Variants in PCSK6 observed in about 807,000 individuals in gnomAD.
PCSK6 encodes the protein proprotein convertase subtilisin/kexin type 6.
PCSK6 carries 85 observed loss-of-function variants against 123.3 expected under a neutral mutation model. The ratio of observed to expected loss-of-function variants is 0.69; its 90% confidence interval spans 0.58 to 0.83. The LOEUF (loss-of-function observed/expected upper bound fraction) is 0.83. PCSK6 is among the 40% of genes least tolerant of loss of function. The pLI, the probability that PCSK6 is intolerant of heterozygous loss-of-function variation, is 0.00. For synonymous variants in PCSK6, 508 were observed against 516.0 expected, an observed-to-expected ratio of 0.98 and a Z score of 0.21; for missense variants, 1,191 against 1,282.3, an observed-to-expected ratio of 0.93 and a Z score of 1.09.
intron 13 of PCSK6, among the ~76,000 whole-genome samples, chr15:101,344,747 G>A (rs1596207272): frequency 6.6e-6 from 1 of 152,204 alleles, no homozygotes; most frequent in East Asian, 1.9e-4. Flanking sequence ...TGCCTTCTAG[G>A]TTCCAGTGAT....
At chr15:101,365,515 C>G (rs184865078) in intron 13 of PCSK6, among the ~76,000 whole-genome samples, 1 of 152,240 alleles carries the variant, frequency 6.6e-6, no homozygotes, top group East Asian at 1.9e-4. Flanking sequence ...TCAAAACGTT[C>G]AACATAGAGT....
chr15:101,444,777 C>T (rs2056843170), intron 1 of PCSK6, among the ~76,000 whole-genome samples: 1 of 152,188 alleles, frequency 6.6e-6, no homozygotes, highest in African/African-American at 2.4e-5. Flanking sequence ...CCTTGGCTGC[C>T]TCCACCTCAT....
intron 13 of PCSK6, among the ~76,000 whole-genome samples, chr15:101,340,404 A>G (rs2040574540): frequency 6.6e-6 from 1 of 152,242 alleles, no homozygotes; most frequent in Admixed American, 6.5e-5. Flanking sequence ...CTGTGTGTAC[A>G]ATGGACAACA....
intron 1 of PCSK6, among the ~76,000 whole-genome samples, chr15:101,485,775 G>A (rs1430809457): frequency 6.6e-6 from 1 of 152,064 alleles, no homozygotes; most frequent in Non-Finnish European, 1.5e-5. Context: ...AGAGTTGTCT[G>A]AGGTATTCCT....
intron 13 of PCSK6, among the ~76,000 whole-genome samples, chr15:101,348,541 G>A (rs1392888274): frequency 6.6e-6 from 1 of 152,204 alleles, no homozygotes. Context: ...ATATGTAACT[G>A]ACATGTGTAA....
intron 13 of PCSK6, 58 bp downstream of exon 13, chr15:101,366,138 G>C: frequency 6.5e-7 from 1 of 1,534,212 alleles, no homozygotes; most frequent in South Asian, 1.2e-5. Flanking sequence ...ATAAGGCCCA[G>C]AGGTAAAAAG....
chr15:101,361,978 T>A (rs1486877497), intron 13 of PCSK6, among the ~76,000 whole-genome samples: 27 of 120,422 alleles, frequency 2.2e-4, no homozygotes, highest in South Asian at 2.7e-4. Flanking sequence ...TTTTTTTGAG[T>A]TGGAGTCTTG....
intron 21 of PCSK6, among the ~76,000 whole-genome samples, chr15:101,306,025 C>T (rs2039715361): frequency 6.6e-5 from 10 of 151,732 alleles, no homozygotes; most frequent in Admixed American, 6.6e-4. Flanking sequence ...TGGACAACTG[C>T]TGGCAGTGGA....
chr15:101,371,816 A>T (rs1263630970), intron 11 of PCSK6, among the ~76,000 whole-genome samples: 1 of 152,190 alleles, frequency 6.6e-6, no homozygotes, highest in Non-Finnish European at 1.5e-5. Flanking sequence ...TCTCATGCTG[A>T]TCGAGGGTGC....
intron 2 of PCSK6, among the ~76,000 whole-genome samples, chr15:101,438,155 C>T (rs984718284): frequency 2.6e-5 from 4 of 152,294 alleles, no homozygotes; most frequent in Admixed American, 2.6e-4. Flanking sequence ...GTCCCCGCAT[C>T]CTGTGGGACT....
chr15:101,468,993 G>A (rs377650182), intron 1 of PCSK6, among the ~76,000 whole-genome samples: 24 of 152,256 alleles, frequency 1.6e-4, no homozygotes, highest in African/African-American at 5.5e-4. Context: ...TCAAGGTGTC[G>A]TCGAAAGTGC....
chr15:101,330,198 G>T (rs1170953756), intron 15 of PCSK6, among the ~76,000 whole-genome samples: 2 of 152,212 alleles, frequency 1.3e-5, no homozygotes, highest in Non-Finnish European at 2.9e-5. Flanking sequence ...CTTTCTCCCA[G>T]CCAGATGCTC....
chr15:101,335,263 T>A (rs2040454290), intron 13 of PCSK6, among the ~76,000 whole-genome samples: 1 of 152,246 alleles, frequency 6.6e-6, no homozygotes. Flanking sequence ...CCAGCCTGTT[T>A]GACTTTTTGT....
In PCSK6 at chr15:101,429,974, C is replaced by T. The variant is rs766230120; in HGVS notation, c.734+13G>A. 4.7e-5 allele frequency: 76 copies of T among 1,605,440 alleles called. No individual in the cohort carries two copies. The highest frequency in any genetic ancestry group is 5.7e-5 in the Non-Finnish European group (67 of 1,172,346). ...GGGAAGAGAAGCCGGGGAGATGAGG[C>T]GAGGTGACGTACTTATTTTCATTGC... On this transcript the variant is annotated intron_variant, in intron 5 of 21. Coordinates refer to ENST00000611716, the MANE Select transcript of PCSK6 (RefSeq NM_002570.5).
At chr15:101,382,802 G>A (rs1050760884) in intron 10 of PCSK6, among the ~76,000 whole-genome samples, 6 of 152,152 alleles carry the variant, frequency 3.9e-5, no homozygotes, top group African/African-American at 1.4e-4. Flanking sequence ...GCAAGGTCAA[G>A]AACTGCATAC....
At chr15:101,347,634 G>T in intron 13 of PCSK6, 1 of 1,567,844 alleles carries the variant, frequency 6.4e-7, no homozygotes, top group East Asian at 2.3e-5. Context: ...GGCGGGAGCT[G>T]AGAGATCCAG....
At chr15:101,351,989 G>A (rs1442879790) in intron 13 of PCSK6, among the ~76,000 whole-genome samples, 2 of 152,126 alleles carry the variant, frequency 1.3e-5, no homozygotes, top group African/African-American at 4.8e-5. Flanking sequence ...GGAGAGTTGA[G>A]TAGTTGTCTC....
At position 101,305,430 on chromosome 15, in the gene PCSK6, G is replaced by C; in HGVS notation, c.2813-75C>G. ...TGCCTGTGAAGATTGTTTCAAGGCC[G>C]GGCGCGGTGCCTCATGCCTGTAATC... is the stretch of plus-strand genomic sequence containing the variant. On this transcript the variant is annotated intron_variant, in intron 21 of 21. Transcript: ENST00000611716. This position sits in a 1 kb window ranked among gnomAD's most constrained non-coding sequence, Gnocchi z 4.8. 1 of 1,260,290 alleles carries C rather than the reference G, an allele frequency of 7.9e-7. No homozygotes were observed. Among genetic ancestry groups the C allele is most frequent in the South Asian group, 1.3e-5 (1 of 79,216 alleles). 78.1% of individuals were successfully genotyped at this position (1,260,290 alleles called of 1,614,324 possible).
At chr15:101,339,655 G>A (rs897018036) in intron 13 of PCSK6, among the ~76,000 whole-genome samples, 6 of 152,214 alleles carry the variant, frequency 3.9e-5, no homozygotes, top group Admixed American at 2.0e-4. Context: ...GCTTGTGATC[G>A]CAGAGCTTTG....
Sources: gnomAD v4.1 joint callset for allele counts (sites outside exome capture counted in the v4.1 genomes callset) on GRCh38, gnomAD v4.1.1 for gene constraint, Gnocchi (gnomAD v3.1) non-coding constraint, MANE v1.5 for transcripts, NCBI Gene and HGNC (gene_info 2026-07-23, HGNC 2026-07-21) for gene names.